The following FOXP1 variants were observed in gnomAD, a reference collection of about 807,000 sequenced individuals.
FOXP1 encodes the protein forkhead box P1, also known as forkhead box protein P1.
FOXP1 carries 15 observed loss-of-function variants against 98.2 expected under a neutral mutation model. The ratio of observed to expected loss-of-function variants is 0.15; its 90% confidence interval spans 0.10 to 0.24. The LOEUF is 0.24. Among genes scored for constraint, FOXP1 ranks in the 10% least tolerant of loss-of-function variants. FOXP1 has a pLI of 1.00. For synonymous variants in FOXP1, 371 were observed against 314.5 expected, an observed-to-expected ratio of 1.18 and a Z score of -1.90; for missense variants, 633 against 848.5, an observed-to-expected ratio of 0.75 and a Z score of 3.15.
In FOXP1 at chr3:71,156,606, C is replaced by T. The variant is rs564068987; in HGVS notation, c.180+41596G>A. On this transcript the variant is annotated intron_variant, in intron 6 of 20. Coordinates refer to ENST00000649528, the MANE Select transcript of FOXP1 (RefSeq NM_001349338.3). ...TCAGAAGCCTGGAGAGTTCAGGGTC[C>T]TGCCAGAATTTGGGCTTGGAATGGT... Among the ~76,000 whole-genome samples, 55 of 152,332 alleles carry T rather than the reference C, an allele frequency of 3.6e-4. No individual in the cohort carries two copies. The South Asian group carries it at 5.0e-3, about 14-fold the overall frequency.
chr3:71,201,212 A>G (rs1161842129), intron 5 of FOXP1, among the ~76,000 whole-genome samples: 1 of 152,258 alleles, frequency 6.6e-6, no homozygotes, highest in Non-Finnish European at 1.5e-5. Flanking sequence ...TCCCTAAGAT[A>G]TAAGAATCAG....
At chr3:71,464,017 G>A (rs183988679) in intron 3 of FOXP1, among the ~76,000 whole-genome samples, 172 of 152,234 alleles carry the variant, frequency 1.1e-3, no homozygotes, top group African/African-American at 3.9e-3. Flanking sequence ...GGTGGCTCAC[G>A]CTTCTATCCC....
intron 14 of FOXP1, among the ~76,000 whole-genome samples, chr3:70,982,083 G>C (rs1053079908): frequency 3.3e-5 from 5 of 152,150 alleles, no homozygotes; most frequent in South Asian, 4.1e-4. Context: ...GAGAGAGAAA[G>C]AATGGAGAAG....
intron 2 of FOXP1, among the ~76,000 whole-genome samples, chr3:71,526,091 A>G (rs1040599177): frequency 1.3e-5 from 2 of 152,060 alleles, no homozygotes; most frequent in African/African-American, 4.8e-5. Flanking sequence ...ACTGCACTCC[A>G]GACTGGATGA....
At chr3:71,082,288 A>C (rs1219812546) in intron 7 of FOXP1, among the ~76,000 whole-genome samples, 8 of 143,848 alleles carry the variant, frequency 5.6e-5, no homozygotes, top group Non-Finnish European at 1.1e-4. Context: ...AAAAAAAAGA[A>C]AAAAAAAAAA....
At chr3:71,039,667 C>T (rs1024964711) in intron 11 of FOXP1, among the ~76,000 whole-genome samples, 3 of 151,290 alleles carry the variant, frequency 2.0e-5, no homozygotes, top group East Asian at 3.9e-4. Context: ...AGCAAATGGA[C>T]GCATCAACCT....
In FOXP1 at chr3:70,970,802, G is replaced by T; in HGVS notation, c.1656C>A (p.Asn552Lys). The change falls in exon 19 of 21, where the codon AAC becomes AAA. Residue 552 changes from asparagine to lysine, a missense_variant. By Grantham distance (94) the Asn-to-Lys change is moderately conservative (BLOSUM62 0). Coordinates refer to ENST00000649528, the MANE Select transcript of FOXP1 (RefSeq NM_001349338.3). ...QKRRPQKISG[N>K]PSLIKNMQSS... ...TCTGCATGTTTTTAATAAGGGAAGGGTTACTGTGTAAGAAAAACATAAAAA... is the reference window on the plus strand; with the variant it reads ...TCTGCATGTTTTTAATAAGGGAAGGTTTACTGTGTAAGAAAAACATAAAAA... 3.1e-6 allele frequency: 5 copies of T among 1,612,006 alleles called. No individual in the cohort carries two copies. The highest frequency in any genetic ancestry group is 3.4e-6 in the Non-Finnish European group (4 of 1,178,046).
At chr3:71,069,784 A>G (rs1164736186) in intron 7 of FOXP1, among the ~76,000 whole-genome samples, 1 of 152,256 alleles carries the variant, frequency 6.6e-6, no homozygotes, top group Non-Finnish European at 1.5e-5. Flanking sequence ...CTCTTGGGGA[A>G]TGAAATTACA....
intron 2 of FOXP1, among the ~76,000 whole-genome samples, chr3:71,538,630 A>C (rs1396792612): frequency 6.6e-6 from 1 of 152,214 alleles, no homozygotes; most frequent in Non-Finnish European, 1.5e-5. Context: ...TTTATGTACA[A>C]GCTTTTCTGT....
At chr3:71,224,293 T>C (rs955163465) in intron 5 of FOXP1, among the ~76,000 whole-genome samples, 3 of 152,132 alleles carry the variant, frequency 2.0e-5, no homozygotes, top group Non-Finnish European at 4.4e-5. Context: ...AGCATGGTTT[T>C]GGGAGAGCTA....
At chr3:71,094,153 A>C (rs1575647278) in intron 7 of FOXP1, among the ~76,000 whole-genome samples, 1 of 152,324 alleles carries the variant, frequency 6.6e-6, no homozygotes, top group South Asian at 2.1e-4. Flanking sequence ...TCTCTGTCGC[A>C]CCCACTCATC....
chr3:71,185,189 T>C (rs941628265), intron 6 of FOXP1, among the ~76,000 whole-genome samples: 29 of 150,632 alleles, frequency 1.9e-4, no homozygotes, highest in Admixed American at 1.2e-3. Context: ...CACGACTCCG[T>C]CTCAAAAAAA....
At chr3:71,305,739 T>C (rs1442604488) in intron 4 of FOXP1, 2 of 152,464 alleles carry the variant, frequency 1.3e-5, no homozygotes, top group East Asian at 1.9e-4. Flanking sequence ...TGTACTTGTC[T>C]ATTTCAATGC....
intron 2 of FOXP1, chr3:71,567,989 G>C (rs2047032193): frequency 7.3e-6 from 1 of 136,950 alleles, no homozygotes; most frequent in African/African-American, 2.8e-5. Flanking sequence ...GAAAGGAAGG[G>C]AGGAAGGGAG....
At chr3:71,582,454 C>A (rs1424659315) in intron 1 of FOXP1, 1 of 985,164 alleles carries the variant, frequency 1.0e-6, no homozygotes, top group Non-Finnish European at 1.2e-6. Context: ...CTCGGCGGGA[C>A]AGGAATAGAG....
At chr3:71,399,960 A>G (rs1457446504) in intron 3 of FOXP1, among the ~76,000 whole-genome samples, 2 of 152,220 alleles carry the variant, frequency 1.3e-5, no homozygotes, top group Admixed American at 6.5e-5. Flanking sequence ...GATAATTAAA[A>G]TGTAAACCCA....
At chr3:71,123,452 C>T (rs905848479) in intron 6 of FOXP1, among the ~76,000 whole-genome samples, 1 of 152,234 alleles carries the variant, frequency 6.6e-6, no homozygotes, top group African/African-American at 2.4e-5. Flanking sequence ...TCCTCAAGCC[C>T]CATTCTGGAC....
chr3:71,302,744 A>G (rs1411708600), intron 4 of FOXP1: 1 of 152,112 alleles, frequency 6.6e-6, no homozygotes, highest in Non-Finnish European at 1.5e-5. Flanking sequence ...TCCTGTGAAC[A>G]CCAGAATTGT....
chr3:71,417,043 G>A (rs2083274987), intron 3 of FOXP1, among the ~76,000 whole-genome samples: 1 of 152,166 alleles, frequency 6.6e-6, no homozygotes, highest in Non-Finnish European at 1.5e-5. Context: ...AAAAACAAAT[G>A]TCCAATCCTA....
Sources: allele counts gnomAD v4.1 joint callset (sites outside exome capture counted in the v4.1 genomes callset), GRCh38; gene constraint gnomAD v4.1.1; transcripts MANE v1.5; gene names NCBI Gene and HGNC (gene_info 2026-07-23, HGNC 2026-07-21).